The following CD200R1 variants were observed in gnomAD, a reference collection of about 807,000 sequenced individuals.
The protein encoded by CD200R1 is cell surface glycoprotein CD200 receptor 1.
CD200R1 carries 30 observed loss-of-function variants against 38.1 expected under a neutral mutation model. The observed-to-expected ratio is 0.79, with a 90% CI of 0.59 to 1.07. The LOEUF (loss-of-function observed/expected upper bound fraction) is 1.07, where lower values mean the gene tolerates loss of function less well. CD200R1 is among the 50% of genes least tolerant of loss of function. The pLI is 0.00. For missense variants in CD200R1, 372 were observed against 415.4 expected (o/e 0.90, Z 0.91); for synonymous variants, 128 against 152.1 (o/e 0.84, Z 1.16).
chr3:112,925,591 G>A (rs924993234), intron 5 of CD200R1, among the ~76,000 whole-genome samples: 7 of 152,054 alleles, frequency 4.6e-5, no homozygotes, highest in Admixed American at 2.6e-4. Flanking sequence ...GTAAAGTATG[G>A]ACTTTGGGTG....
At chr3:112,927,603 CAG>C (rs1940309324) in intron 5 of CD200R1, among the ~76,000 whole-genome samples, 1 of 152,074 alleles carries the variant, frequency 6.6e-6, no homozygotes, top group Non-Finnish European at 1.5e-5. Flanking sequence ...AGAAGAAACT[CAG>C]ATTAAATAGA....
intron 1 of CD200R1, among the ~76,000 whole-genome samples, chr3:112,965,760 A>G (rs1261011612): frequency 1.3e-5 from 2 of 151,960 alleles, no homozygotes; most frequent in Non-Finnish European, 2.9e-5. Flanking sequence ...ACTCCATCTC[A>G]AAAGAAAAAA....
chr3:112,924,580 G>A (rs1940240326), intron 6 of CD200R1, 45 bp from the exon 7 acceptor site: 1 of 1,065,650 alleles, frequency 9.4e-7, no homozygotes, highest in African/African-American at 1.6e-5. Flanking sequence ...AAACATCATT[G>A]TTTAGATCGA....
At chr3:112,969,939 A>G (rs1328123606) in intron 1 of CD200R1, among the ~76,000 whole-genome samples, 2 of 152,144 alleles carry the variant, frequency 1.3e-5, no homozygotes, top group African/African-American at 4.8e-5. Flanking sequence ...TGGGAGGCCA[A>G]GGCAGGAGGA....
At chr3:112,945,324 A>G (rs1438578362) in intron 2 of CD200R1, among the ~76,000 whole-genome samples, 2 of 152,240 alleles carry the variant, frequency 1.3e-5, no homozygotes, top group Non-Finnish European at 2.9e-5. Context: ...AAGATTTACT[A>G]TAAAGCTACA....
intron 6 of CD200R1, 45 bp downstream of exon 6, chr3:112,925,040 A>G (rs1402919283): frequency 8.9e-7 from 1 of 1,121,314 alleles, no homozygotes; most frequent in Non-Finnish European, 1.4e-6. Flanking sequence ...ACTCTTTTCT[A>G]GCCTAATAAA....
intron 2 of CD200R1, among the ~76,000 whole-genome samples, chr3:112,936,336 G>A (rs1352181748): frequency 6.6e-6 from 1 of 152,164 alleles, no homozygotes; most frequent in Non-Finnish European, 1.5e-5. Context: ...AGATTGCCGA[G>A]TCAAACAGTA....
intron 6 of CD200R1, 31 bp from the exon 7 acceptor site, chr3:112,924,566 G>A (rs954632767): frequency 8.9e-7 from 1 of 1,121,048 alleles, no homozygotes; most frequent in African/African-American, 1.6e-5. Context: ...GAAGTGAATG[G>A]AGGAAACATC....
At chr3:112,938,392 C>A (rs1006379094) in intron 2 of CD200R1, among the ~76,000 whole-genome samples, 11 of 151,762 alleles carry the variant, frequency 7.2e-5, no homozygotes, top group Non-Finnish European at 1.0e-4. Flanking sequence ...AGAGAAAAAA[C>A]CAAATTAATA....
intron 1 of CD200R1, among the ~76,000 whole-genome samples, chr3:112,967,240 C>T (rs1427517276): frequency 1.3e-5 from 2 of 152,172 alleles, no homozygotes; most frequent in African/African-American, 2.4e-5. Flanking sequence ...ACCCCTTGAA[C>T]TTCAACTAGA....
At chr3:112,924,408 T>C (rs767212406) in intron 7 of CD200R1, 82 bp downstream of exon 7, 1 of 1,081,330 alleles carries the variant, frequency 9.2e-7, no homozygotes, top group Non-Finnish European at 1.2e-6. Flanking sequence ...AACACTAATA[T>C]TGATACAAAC....
At chr3:112,934,511 T>C (rs778645029) in intron 2 of CD200R1, among the ~76,000 whole-genome samples, 1 of 152,068 alleles carries the variant, frequency 6.6e-6, no homozygotes, top group Non-Finnish European at 1.5e-5. Flanking sequence ...AATTAAAAGA[T>C]ATAGACTGGC....
At chr3:112,947,765 T>A in intron 2 of CD200R1, 91 bp downstream of exon 2, 1 of 774,240 alleles carries the variant, frequency 1.3e-6, no homozygotes, top group Non-Finnish European at 2.3e-6. Context: ...ATACAGATAA[T>A]GCATGAGACA....
chr3:112,924,613 A>G, intron 6 of CD200R1, 78 bp from the exon 7 acceptor site: 1 of 829,142 alleles, frequency 1.2e-6, no homozygotes, highest in Non-Finnish European at 1.6e-6. Flanking sequence ...AAGACAGTAT[A>G]CTATTGACAA....
rs573707480 is a variant in CD200R1 at position 112,933,945 on chromosome 3, A to G, written c.137-2774T>C. Among the ~76,000 whole-genome samples the G allele has an allele frequency of 2.0e-5, 3 of 152,134 alleles. No homozygotes were observed. In the South Asian group the frequency reaches 6.2e-4, roughly 32 times the overall value. ...ACATGAGGATTTTAAAAACAAAAAG[A>G]AAAAGAATTTTAAAAAAATAAAGTT... On this transcript the variant is annotated intron_variant, in intron 2 of 7. Transcript: ENST00000308611.
intron 2 of CD200R1, among the ~76,000 whole-genome samples, chr3:112,945,572 C>G (rs1940830215): frequency 2.0e-5 from 3 of 151,952 alleles, no homozygotes; most frequent in Admixed American, 2.0e-4. Flanking sequence ...GATCAGTGTC[C>G]TAAATATAAA....
intron 1 of CD200R1, among the ~76,000 whole-genome samples, chr3:112,965,484 C>T (rs1271919600): frequency 6.6e-6 from 1 of 152,064 alleles, no homozygotes; most frequent in African/African-American, 2.4e-5. Flanking sequence ...TTTAACAGGC[C>T]AGGCATGGTG....
At chr3:112,967,567 A>G (rs1465665925) in intron 1 of CD200R1, among the ~76,000 whole-genome samples, 1 of 152,244 alleles carries the variant, frequency 6.6e-6, no homozygotes, top group Admixed American at 6.5e-5. Context: ...CCATGAGAGC[A>G]GGACCTATGT....
At chr3:112,963,422 T>C (rs190608766) in intron 1 of CD200R1, among the ~76,000 whole-genome samples, 3 of 152,288 alleles carry the variant, frequency 2.0e-5, no homozygotes, top group Admixed American at 6.5e-5. Flanking sequence ...ATACGGACAA[T>C]GAAATCCAGG....
Sources: gnomAD v4.1 joint callset for allele counts (sites outside exome capture counted in the v4.1 genomes callset) on GRCh38, gnomAD v4.1.1 for gene constraint, MANE v1.5 for transcripts, NCBI Gene and HGNC (gene_info 2026-07-23, HGNC 2026-07-21) for gene names.